Variants in LRRC72 observed in about 807,000 individuals in gnomAD.
The protein encoded by LRRC72 is leucine-rich repeat-containing protein 72.
Under a neutral mutation model 35.8 loss-of-function variants are expected in LRRC72, and 41 were observed. The ratio of observed to expected loss-of-function variants is 1.15; its 90% CI spans 0.89 to 1.49. LRRC72 has a LOEUF of 1.49. LRRC72 is among the 40% of genes most tolerant of loss of function. LRRC72 has a pLI of 0.00. For missense variants in LRRC72, 389 were observed against 330.7 expected (o/e 1.18, Z -1.37); for synonymous variants, 118 against 119.2 (o/e 0.99, Z 0.07).
chr7:16,528,890 G>T (rs549731487), intron 1 of LRRC72, among the ~76,000 whole-genome samples: 93 of 152,282 alleles, frequency 6.1e-4, no homozygotes, highest in African/African-American at 2.1e-3. Context: ...AAGTGTTTCT[G>T]AAACAATTTG....
At position 16,564,663 on chromosome 7, in the gene LRRC72, C is replaced by T. The variant is rs187781250; in HGVS notation, c.428-1650C>T. ...TTGTTTATTATGTACCAGGTGTCTT[C>T]CATTGCCTGCTTTATGTCCCTCTAA... On this transcript the variant is annotated intron_variant, in intron 5 of 8. Transcript: ENST00000401542. Among the ~76,000 whole-genome samples, 46 of 152,264 alleles carry T rather than the reference C, an allele frequency of 3.0e-4. No individual in the cohort carries two copies. The East Asian group carries it at 5.4e-3, about 18-fold the overall frequency.
At chr7:16,548,674 C>G (rs1782493937) in intron 3 of LRRC72, among the ~76,000 whole-genome samples, 1 of 152,226 alleles carries the variant, frequency 6.6e-6, no homozygotes, top group Admixed American at 6.5e-5. Flanking sequence ...GTGCTCTGTG[C>G]CTGGCTCACT....
chr7:16,575,079 C>T (rs1358672031), intron 7 of LRRC72, among the ~76,000 whole-genome samples: 1 of 142,634 alleles, frequency 7.0e-6, no homozygotes. Flanking sequence ...CGCATCACTG[C>T]ACTTTAGCCT....
chr7:16,567,676 T>C, intron 7 of LRRC72, 133 bp downstream of exon 7: 3 of 824,188 alleles, frequency 3.6e-6, no homozygotes, highest in Non-Finnish European at 5.2e-6. Context: ...GAATAATTTC[T>C]AATATATTTG....
At chr7:16,575,912 A>G (rs1274910076) in intron 7 of LRRC72, among the ~76,000 whole-genome samples, 3 of 152,188 alleles carry the variant, frequency 2.0e-5, no homozygotes, top group Non-Finnish European at 4.4e-5. Context: ...ACCTTTAGGG[A>G]TCTACATTTC....
At chr7:16,568,722 CA>C (rs1371299776) in intron 7 of LRRC72, among the ~76,000 whole-genome samples, 1 of 152,100 alleles carries the variant, frequency 6.6e-6, no homozygotes, top group African/African-American at 2.4e-5. Flanking sequence ...ACAACAACAA[CA>C]ACAACAAGAG....
chr7:16,560,747 T>A (rs1270724710), intron 5 of LRRC72, among the ~76,000 whole-genome samples: 3 of 152,046 alleles, frequency 2.0e-5, no homozygotes, highest in Non-Finnish European at 4.4e-5. Context: ...CAACAAAAAT[T>A]GAAATTCTAA....
intron 3 of LRRC72, among the ~76,000 whole-genome samples, chr7:16,538,025 C>G (rs1482049044): frequency 6.6e-6 from 1 of 152,254 alleles, no homozygotes; most frequent in Middle Eastern, 3.4e-3. Flanking sequence ...GCCCCATAAC[C>G]TTTTTCATCT....
intron 2 of LRRC72, among the ~76,000 whole-genome samples, chr7:16,534,629 C>T (rs527420844): frequency 5.9e-5 from 9 of 151,678 alleles, no homozygotes; most frequent in South Asian, 2.1e-4. Context: ...GGTGACAGAG[C>T]GAGACTCAGT....
intron 1 of LRRC72, among the ~76,000 whole-genome samples, chr7:16,531,190 A>T (rs1782155734): frequency 6.6e-6 from 1 of 151,882 alleles, no homozygotes; most frequent in Non-Finnish European, 1.5e-5. Flanking sequence ...CAAAAAAAAA[A>T]AAAAGAAAAA....
intron 3 of LRRC72, among the ~76,000 whole-genome samples, chr7:16,539,883 C>A (rs1345858918): frequency 1.3e-5 from 2 of 152,204 alleles, no homozygotes; most frequent in Non-Finnish European, 2.9e-5. Flanking sequence ...ATGGAAATGC[C>A]TGAATGTCTA....
At position 16,559,007 on chromosome 7, in the gene LRRC72, T is replaced by C. The variant is rs1782698473; in HGVS notation, c.427+8T>C. ...TAAATCTGAAGATCCTAAGTAACAA[T>C]TTGCAATTTTATATGGCCATAAGTT... On this transcript the variant is annotated splice_region_variant and intron_variant, in intron 5 of 8. Transcript: ENST00000401542. 1 of 1,490,540 alleles carries C rather than the reference T, an allele frequency of 6.7e-7. No individual in the cohort carries two copies. The highest frequency in any genetic ancestry group is 1.3e-5 in the South Asian group (1 of 78,536). The allele number at this position is 1,490,540 out of a possible 1,614,324, so 92.3% of individuals were successfully genotyped here.
chr7:16,527,695 AG>A (rs1288255291), intron 1 of LRRC72, among the ~76,000 whole-genome samples: 1 of 152,156 alleles, frequency 6.6e-6, no homozygotes, highest in African/African-American at 2.4e-5. Flanking sequence ...TCATCTGCAA[AG>A]ATGGGGGGCT....
rs1342961033 is a variant in LRRC72, at chr7:16,569,796, C to T, written c.670+2253C>T. 4.0e-5 allele frequency among the ~76,000 whole-genome samples: 6 copies of T among 151,860 alleles called. 1 individual carries two copies. Among genetic ancestry groups the T allele is most frequent in the Admixed American group, 2.0e-4 (3 of 15,244 alleles). ...CTGTAATCCCAGCACTTTGGGAGGC[C>T]GAGGCAGGCAGATCATTTGAGGTCA... is the stretch of plus-strand genomic sequence containing the variant. On this transcript the variant is annotated intron_variant, in intron 7 of 8. Coordinates refer to ENST00000401542, the MANE Select transcript of LRRC72 (RefSeq NM_001195280.2).
chr7:16,548,715 A>G (rs149396556), intron 3 of LRRC72, among the ~76,000 whole-genome samples: 1,980 of 152,332 alleles, frequency 0.013, 40 homozygotes, highest in African/African-American at 0.045. Context: ...AGCTGGTAGC[A>G]GGAGCTGAGC....
In LRRC72 at chr7:16,567,672, T is replaced by C. The variant is rs1252547096; in HGVS notation, c.670+129T>C. 3 of 831,522 alleles carry C rather than the reference T, an allele frequency of 3.6e-6. No homozygotes were observed. The African/African-American group carries it at 5.2e-5, about 15-fold the overall frequency. 51.5% of individuals were successfully genotyped at this position (831,522 alleles called of 1,614,324 possible). A position where few individuals can be genotyped will look rare whatever the true frequency, so the allele number is the denominator to read the frequency against. On this transcript the variant is annotated intron_variant, in intron 7 of 8. Coordinates refer to ENST00000401542, the MANE Select transcript of LRRC72 (RefSeq NM_001195280.2). ...CTTAAGTATCTATGTAATGGAATAA[T>C]TTCTAATATATTTGCTAACCTTATA...
intron 1 of LRRC72, chr7:16,530,695 T>C (rs992740544): frequency 6.6e-6 from 1 of 152,336 alleles, no homozygotes; most frequent in Non-Finnish European, 1.5e-5. Context: ...GCAGTGATAA[T>C]CACATTTGTC....
chr7:16,567,169 G>C (rs1002976760), intron 6 of LRRC72, among the ~76,000 whole-genome samples: 1 of 152,128 alleles, frequency 6.6e-6, no homozygotes, highest in Admixed American at 6.5e-5. Context: ...GGATGCATTA[G>C]ATTGAAGGAT....
chr7:16,566,407 G>C lies in LRRC72; in HGVS notation c.517+5G>C. 1 of 1,527,818 alleles carries C rather than the reference G, an allele frequency of 6.5e-7. No individual in the cohort carries two copies. The highest frequency in any genetic ancestry group is 1.4e-5 in the African/African-American group (1 of 72,202). The allele number at this position is 1,527,818 out of a possible 1,614,324, so 94.6% of individuals were successfully genotyped here. A position where few individuals can be genotyped will look rare whatever the true frequency, so the allele number is the denominator to read the frequency against. On this transcript the variant is annotated splice_donor_5th_base_variant and intron_variant, in intron 6 of 8. Coordinates refer to ENST00000401542, the MANE Select transcript of LRRC72 (RefSeq NM_001195280.2). Reference sequence around the variant, plus strand: ...TGGAGCTGCTTGACCGAAATCGTAAGGACCCTTCCTTCTTGCAAAGAAATA... The same window carrying C: ...TGGAGCTGCTTGACCGAAATCGTAACGACCCTTCCTTCTTGCAAAGAAATA...
Sources: gnomAD v4.1 joint callset for allele counts (sites outside exome capture counted in the v4.1 genomes callset) on GRCh38, gnomAD v4.1.1 for gene constraint, MANE v1.5 for transcripts, NCBI Gene and HGNC (gene_info 2026-07-23, HGNC 2026-07-21) for gene names.